CXCL17: variants seen among roughly 807,000 people sequenced by gnomAD.
CXCL17 encodes C-X-C motif chemokine 17.
In CXCL17, 9 loss-of-function variants were observed where a neutral mutation model predicts 15.5. The observed-to-expected ratio is 0.58, with a 90% CI of 0.35 to 1.01. The LOEUF is 1.01. Ranked by LOEUF, CXCL17 falls within the 50% of genes least tolerant of loss-of-function variation. The pLI, the probability that CXCL17 is intolerant of heterozygous loss-of-function variation, is 0.02. For missense variants in CXCL17, 133 were observed against 138.2 expected (o/e 0.96, Z 0.19); for synonymous variants, 52 against 52.3 (o/e 0.99, Z 0.02).
At chr19:42,429,021 AT>A in intron 3 of CXCL17, 40 bp from the exon 4 acceptor site, 1 of 1,455,924 alleles carries the variant, frequency 6.9e-7, no homozygotes, top group Non-Finnish European at 9.6e-7. Flanking sequence ...TGTTAAAACC[AT>A]TTTTAACATT....
chr19:42,433,135 T>G, intron 2 of CXCL17, 58 bp from the exon 3 acceptor site: 1 of 1,258,586 alleles, frequency 7.9e-7, no homozygotes, highest in South Asian at 1.3e-5. Context: ...TAGGAGGGAG[T>G]AGGACAGAGC....
intron 1 of CXCL17, among the ~76,000 whole-genome samples, chr19:42,439,295 T>C (rs1228668521): frequency 1.3e-5 from 2 of 149,344 alleles, no homozygotes; most frequent in African/African-American, 2.5e-5. Flanking sequence ...AAGGAATAAC[T>C]CTTTCTTATG....
intron 1 of CXCL17, among the ~76,000 whole-genome samples, chr19:42,439,990 T>C (rs892326968): frequency 2.0e-5 from 3 of 152,310 alleles, no homozygotes; most frequent in African/African-American, 7.2e-5. Context: ...ATAATTGTAT[T>C]ATGGTTACAT....
rs763573638 is a variant in CXCL17, at chr19:42,433,078, C to A, written c.161-1G>T. On this transcript the variant is annotated splice_acceptor_variant, in intron 2 of 3. Coordinates refer to ENST00000601181, the MANE Select transcript of CXCL17 (RefSeq NM_198477.3). LOFTEE classifies it high-confidence loss of function. ...CTTCTCGGGGCTCTCAGGAACCAAT[C>A]TGGAACAACAGCATTGCTGCTTAGA... 1.2e-6 allele frequency: 2 copies of A among 1,609,984 alleles called. No individual in the cohort carries two copies. Among genetic ancestry groups the A allele is most frequent in the Non-Finnish European group, 1.7e-6 (2 of 1,176,646 alleles).
intron 3 of CXCL17, among the ~76,000 whole-genome samples, chr19:42,431,614 A>ATT (rs35495939): frequency 1.7e-4 from 26 of 150,008 alleles, no homozygotes; most frequent in African/African-American, 4.2e-4. Context: ...TCTCTACATC[A>ATT]TTTTTTTTTC....
intron 3 of CXCL17, among the ~76,000 whole-genome samples, chr19:42,431,077 T>A (rs1419718034): frequency 6.6e-6 from 1 of 152,214 alleles, no homozygotes; most frequent in African/African-American, 2.4e-5. Flanking sequence ...TGACCTCAGG[T>A]GATCCCCCTG....
intron 2 of CXCL17, 29 bp downstream of exon 2, chr19:42,433,747 A>G (rs1362254003): frequency 1.3e-6 from 2 of 1,590,412 alleles, no homozygotes; most frequent in Non-Finnish European, 8.6e-7. Context: ...TGGTGATGCC[A>G]TCGCTGTTGT....
intron 1 of CXCL17, among the ~76,000 whole-genome samples, chr19:42,437,271 C>G (rs1004095792): frequency 2.6e-5 from 4 of 152,112 alleles, no homozygotes; most frequent in African/African-American, 9.7e-5. Flanking sequence ...ATTTATTTTG[C>G]AAAACATCCT....
intron 3 of CXCL17, 53 bp from the exon 4 acceptor site, chr19:42,429,034 C>CTTT: frequency 8.1e-7 from 1 of 1,227,576 alleles, no homozygotes; most frequent in Non-Finnish European, 1.1e-6. Flanking sequence ...TTTAACATTT[C>CTTT]TTTTTTTTTT....
At chr19:42,435,537 G>A (rs1032494179) in intron 1 of CXCL17, among the ~76,000 whole-genome samples, 3 of 151,776 alleles carry the variant, frequency 2.0e-5, no homozygotes, top group African/African-American at 7.3e-5. Context: ...GTCCTTATAA[G>A]AAAAGGAGAT....
chr19:42,438,381 A>ATATATATATAT (rs1338855267), intron 1 of CXCL17, among the ~76,000 whole-genome samples: 1 of 63,858 alleles, frequency 1.6e-5, no homozygotes, highest in Non-Finnish European at 2.6e-5. Context: ...AAAAAAAAAA[A>ATATATATATAT]ATATATATAT....
intron 3 of CXCL17, among the ~76,000 whole-genome samples, chr19:42,432,411 C>G (rs1228696178): frequency 6.6e-6 from 1 of 152,130 alleles, no homozygotes; most frequent in Non-Finnish European, 1.5e-5. Flanking sequence ...TCCCAAAGTA[C>G]TGGGATTACA....
At chr19:42,442,679 G>T in intron 1 of CXCL17, 75 bp downstream of exon 1, 2 of 1,035,930 alleles carry the variant, frequency 1.9e-6, no homozygotes, top group Non-Finnish European at 3.0e-6. Flanking sequence ...AAGAGAAGCT[G>T]CATTTTGATG....
chr19:42,428,956 T>C lies in CXCL17; in HGVS notation c.288A>G (p.Pro96=), dbSNP rs2040745568. ...KTRHQRHHRK[P]NKHSRACQQF... ...GCTGGCAGGCTCTGGAATGCTTGTT[T>C]GGCTTTCTGTGGTGCCTTTGGTGTC... The change falls in exon 4 of 4, where the codon CCA becomes CCG. Residue 96 remains proline, a synonymous_variant. Coordinates refer to ENST00000601181, the MANE Select transcript of CXCL17 (RefSeq NM_198477.3). The C allele has an allele frequency of 3.1e-6, 5 of 1,614,028 alleles. No homozygotes were observed. The highest frequency in any genetic ancestry group is 4.2e-6 in the Non-Finnish European group (5 of 1,180,002).
chr19:42,441,540 A>C (rs2040892206), intron 1 of CXCL17, among the ~76,000 whole-genome samples: 1 of 152,142 alleles, frequency 6.6e-6, no homozygotes, highest in African/African-American at 2.4e-5. Flanking sequence ...ATAGTGATGG[A>C]AAAGTCTTCC....
In CXCL17 at chr19:42,428,671, G is replaced by A. The variant is rs913640604; in HGVS notation, c.*213C>T. On this transcript the variant is annotated 3_prime_UTR_variant, in exon 4 of 4. Transcript: ENST00000601181. ...GTAATTAAGCCTAAGCCTGGGTAAG[G>A]GGAGGGCACAGGCTAAGACTGACGA... The A allele has an allele frequency of 1.7e-5, 8 of 482,722 alleles. No individual in the cohort carries two copies. The South Asian group carries it at 2.8e-4, about 17-fold the overall frequency. The allele number at this position is 482,722 out of a possible 1,614,324, so 29.9% of individuals were successfully genotyped here. A position where few individuals can be genotyped will look rare whatever the true frequency, so the allele number is the denominator to read the frequency against.
rs1441006182 is a variant in CXCL17 at position 42,428,989 on chromosome 19, G to T, written c.263-8C>A. ...TGTGGTGCCTTTGGTGTCCTAGGGT[G>T]CAAATAAAGGGGAGAGGCTAGTGTT... On this transcript the variant is annotated splice_polypyrimidine_tract_variant and splice_region_variant and intron_variant, in intron 3 of 3. Transcript: ENST00000601181. 14 of 1,604,918 alleles carry T rather than the reference G, an allele frequency of 8.7e-6. No individual in the cohort carries two copies. In the African/African-American group the frequency reaches 9.4e-5, roughly 11 times the overall value.
chr19:42,437,123 A>G (rs2040841978), intron 1 of CXCL17, among the ~76,000 whole-genome samples: 1 of 152,036 alleles, frequency 6.6e-6, no homozygotes. Context: ...TTTTTAGTAG[A>G]GGCAGGTTTT....
At chr19:42,429,237 G>A (rs1370909295) in intron 3 of CXCL17, among the ~76,000 whole-genome samples, 3 of 152,036 alleles carry the variant, frequency 2.0e-5, no homozygotes, top group Non-Finnish European at 4.4e-5. Flanking sequence ...ATTTTGGCCA[G>A]GCTGGTCTGG....
Sources: gnomAD v4.1 joint callset for allele counts (sites outside exome capture counted in the v4.1 genomes callset) on GRCh38, gnomAD v4.1.1 for gene constraint, MANE v1.5 for transcripts, NCBI Gene and HGNC (gene_info 2026-07-23, HGNC 2026-07-21) for gene names.